The following NPAS3 variants were observed in gnomAD, a reference collection of about 807,000 sequenced individuals.
NPAS3 encodes the protein neuronal PAS domain-containing protein 3.
Under a neutral mutation model 73.1 loss-of-function variants are expected in NPAS3, and 14 were observed. The observed-to-expected ratio is 0.19, with a 90% CI of 0.13 to 0.30. NPAS3 has a LOEUF of 0.30. Among genes scored for constraint, NPAS3 ranks in the 10% least tolerant of loss-of-function variants. The pLI is 1.00. For synonymous variants in NPAS3, 620 were observed against 541.5 expected (o/e 1.14, Z -2.01); for missense variants, 1,096 against 1,250.0 (o/e 0.88, Z 1.86).
At chr14:32,949,992 T>C (rs2036418670) in intron 1 of NPAS3, among the ~76,000 whole-genome samples, 1 of 152,050 alleles carries the variant, frequency 6.6e-6, no homozygotes, top group South Asian at 2.1e-4. Flanking sequence ...GAGGAAATAG[T>C]GTAATACATA....
At chr14:33,663,277 T>C (rs534298114) in intron 5 of NPAS3, among the ~76,000 whole-genome samples, 1 of 152,280 alleles carries the variant, frequency 6.6e-6, no homozygotes, top group Non-Finnish European at 1.5e-5. Flanking sequence ...GTTTTTAGCA[T>C]GAAGGGGTGT....
chr14:32,962,440 C>T lies in NPAS3; in HGVS notation c.50+23074C>T, dbSNP rs530641820. The stretch of plus-strand genomic sequence containing the variant: ...AAGATACTGTGTTTATAAATGGTAG[C>T]GTATTAAATGCAAGTATTAACAGAT... On this transcript the variant is annotated intron_variant, in intron 1 of 11. Transcript: ENST00000356141. 1.3e-4 allele frequency among the ~76,000 whole-genome samples: 19 copies of T among 151,830 alleles called. 1 individual carries two copies. The East Asian group carries it at 3.5e-3, about 28-fold the overall frequency.
intron 5 of NPAS3, among the ~76,000 whole-genome samples, chr14:33,613,730 A>G (rs947735249): frequency 1.3e-5 from 2 of 152,052 alleles, no homozygotes; most frequent in African/African-American, 4.8e-5. Flanking sequence ...CTGAGGCAGA[A>G]CTCTCAATTT....
At chr14:33,382,204 C>T (rs2046585440) in intron 4 of NPAS3, among the ~76,000 whole-genome samples, 1 of 152,044 alleles carries the variant, frequency 6.6e-6, no homozygotes, top group South Asian at 2.1e-4. Context: ...TGCATTTTCT[C>T]CTGCTGAAAA....
intron 2 of NPAS3, among the ~76,000 whole-genome samples, chr14:33,136,604 T>C (rs1424575084): frequency 6.6e-6 from 1 of 152,206 alleles, no homozygotes; most frequent in African/African-American, 2.4e-5. Flanking sequence ...CCAAGTTGTA[T>C]AGCTAGTCAA....
intron 2 of NPAS3, among the ~76,000 whole-genome samples, chr14:33,108,201 T>TTA (rs1355400582): frequency 4.6e-5 from 7 of 151,264 alleles, no homozygotes; most frequent in Non-Finnish European, 8.9e-5. Context: ...TCTGATTTTT[T>TTA]TTTTTTTTTT....
intron 2 of NPAS3, among the ~76,000 whole-genome samples, chr14:33,140,318 A>G (rs773352757): frequency 2.6e-5 from 4 of 152,216 alleles, no homozygotes; most frequent in Non-Finnish European, 5.9e-5. Context: ...GACAGAAAGT[A>G]AGGGGATAGA....
At chr14:33,714,009 G>A (rs1041154031) in intron 6 of NPAS3, among the ~76,000 whole-genome samples, 6 of 152,016 alleles carry the variant, frequency 3.9e-5, no homozygotes, top group South Asian at 4.1e-4. Context: ...AAAGGGTCAC[G>A]ACATTCCTTC....
chr14:33,122,468 A>G (rs1425689292), intron 2 of NPAS3, among the ~76,000 whole-genome samples: 2 of 152,092 alleles, frequency 1.3e-5, no homozygotes, highest in African/African-American at 4.8e-5. Flanking sequence ...AAATTATTCA[A>G]CTCAAAAACC....
intron 5 of NPAS3, chr14:33,578,301 C>T: frequency 2.2e-6 from 1 of 449,572 alleles, no homozygotes; most frequent in Middle Eastern, 3.3e-4. Flanking sequence ...TCAAGTGATT[C>T]TCCTGCCTCA....
intron 1 of NPAS3, among the ~76,000 whole-genome samples, chr14:32,963,396 G>T (rs1566804105): frequency 6.6e-6 from 1 of 152,160 alleles, no homozygotes; most frequent in East Asian, 1.9e-4. Context: ...AGCAAATCAT[G>T]GGGGAAAAAA....
intron 1 of NPAS3, among the ~76,000 whole-genome samples, chr14:32,994,876 C>T (rs2038502487): frequency 6.6e-6 from 1 of 152,176 alleles, no homozygotes; most frequent in Non-Finnish European, 1.5e-5. Flanking sequence ...AGGTGATCCA[C>T]CCGCCTTGGC....
In NPAS3 at chr14:33,693,212, T is replaced by G. The variant is rs537632973; in HGVS notation, c.733+16827T>G. 4.9e-4 allele frequency among the ~76,000 whole-genome samples: 75 copies of G among 152,352 alleles called. No individual in the cohort carries two copies. In the Middle Eastern group the frequency reaches 0.01, roughly 21 times the overall value. On this transcript the variant is annotated intron_variant, in intron 6 of 11. Transcript: ENST00000356141. ...TTTTGTTTTGCTCAATGATTTATGCTTCTTTGTTACCATTGTTATTCCTTT... is the reference window on the plus strand; with the variant it reads ...TTTTGTTTTGCTCAATGATTTATGCGTCTTTGTTACCATTGTTATTCCTTT...
At chr14:33,736,959 T>G (rs1243865833) in intron 7 of NPAS3, among the ~76,000 whole-genome samples, 3 of 152,242 alleles carry the variant, frequency 2.0e-5, no homozygotes, top group African/African-American at 7.2e-5. Flanking sequence ...CACGGCAATA[T>G]GCTGGGCATG....
intron 2 of NPAS3, among the ~76,000 whole-genome samples, chr14:33,111,467 G>T (rs1314158930): frequency 1.3e-5 from 2 of 152,130 alleles, no homozygotes; most frequent in Non-Finnish European, 2.9e-5. Flanking sequence ...ATTTGCTACA[G>T]TAATTCACAA....
intron 2 of NPAS3, among the ~76,000 whole-genome samples, chr14:33,078,688 G>A (rs1383871250): frequency 6.6e-6 from 1 of 152,168 alleles, no homozygotes; most frequent in African/African-American, 2.4e-5. Flanking sequence ...TAACACAATT[G>A]ATGTAATATT....
At chr14:33,050,274 T>TC (rs2040656784) in intron 1 of NPAS3, among the ~76,000 whole-genome samples, 1 of 152,202 alleles carries the variant, frequency 6.6e-6, no homozygotes, top group Admixed American at 6.5e-5. Context: ...TTGTTTTTTG[T>TC]TTTAAGCTGG....
At chr14:33,747,563 C>A (rs968923888) in intron 7 of NPAS3, among the ~76,000 whole-genome samples, 6 of 152,206 alleles carry the variant, frequency 3.9e-5, no homozygotes, top group Non-Finnish European at 7.3e-5. Context: ...AAAGAATCAT[C>A]TGTGTAATCA....
chr14:33,544,817 T>TAC (rs1566989764), intron 4 of NPAS3, among the ~76,000 whole-genome samples: 1 of 104,754 alleles, frequency 9.5e-6, no homozygotes, highest in East Asian at 2.4e-4. Flanking sequence ...TATATGTATA[T>TAC]ATAATATATA....
Sources: allele counts gnomAD v4.1 joint callset (sites outside exome capture counted in the v4.1 genomes callset), GRCh38; gene constraint gnomAD v4.1.1; transcripts MANE v1.5; gene names NCBI Gene and HGNC (gene_info 2026-07-23, HGNC 2026-07-21).